MMP16: variants seen among roughly 807,000 people sequenced by gnomAD.
MMP16 encodes matrix metalloproteinase-16.
MMP16 carries 12 observed loss-of-function variants against 67.8 expected under a neutral mutation model. That is an observed-to-expected ratio of 0.18 (90% CI 0.11 to 0.29). The LOEUF (loss-of-function observed/expected upper bound fraction) is 0.29. Among genes scored for constraint, MMP16 ranks in the 10% least tolerant of loss-of-function variants. The pLI, the probability that MMP16 is intolerant of heterozygous loss-of-function variation, is 1.00. For synonymous variants in MMP16, 249 were observed against 255.9 expected (o/e 0.97, Z 0.26); for missense variants, 475 against 765.7 (o/e 0.62, Z 4.48).
At chr8:88,067,344 T>A (rs1808476721) in intron 7 of MMP16, among the ~76,000 whole-genome samples, 1 of 152,120 alleles carries the variant, frequency 6.6e-6, no homozygotes, top group Non-Finnish European at 1.5e-5. Context: ...TTGTACTACC[T>A]ATGTCATCAG....
At chr8:88,289,689 A>AACACACACACAC (rs4043664) in intron 1 of MMP16, among the ~76,000 whole-genome samples, 4 of 144,162 alleles carry the variant, frequency 2.8e-5, no homozygotes, top group African/African-American at 1.0e-4. Context: ...TCCTAGAGGA[A>AACACACACACAC]ACACACACAC....
intron 6 of MMP16, among the ~76,000 whole-genome samples, chr8:88,113,727 T>A (rs1246979820): frequency 6.6e-6 from 1 of 151,912 alleles, no homozygotes; most frequent in Non-Finnish European, 1.5e-5. Context: ...TATCCTTCTG[T>A]GACATTCACA....
intron 1 of MMP16, among the ~76,000 whole-genome samples, chr8:88,230,045 A>G (rs773993362): frequency 6.6e-5 from 10 of 152,160 alleles, no homozygotes; most frequent in Non-Finnish European, 8.8e-5. Context: ...CAACAAGCCA[A>G]TATTACATAA....
chr8:88,315,331 C>A (rs1254596507), intron 1 of MMP16, among the ~76,000 whole-genome samples: 1 of 152,074 alleles, frequency 6.6e-6, no homozygotes, highest in African/African-American at 2.4e-5. Flanking sequence ...TTATGGTGAT[C>A]TGTGGTTAGT....
chr8:88,259,969 A>C (rs1343986810), intron 1 of MMP16, among the ~76,000 whole-genome samples: 1 of 152,250 alleles, frequency 6.6e-6, no homozygotes, highest in East Asian at 1.9e-4. Context: ...AAACCCCCCA[A>C]ATTTTACTTA....
intron 1 of MMP16, among the ~76,000 whole-genome samples, chr8:88,227,529 C>G (rs1320372406): frequency 6.6e-6 from 1 of 152,030 alleles, no homozygotes; most frequent in Non-Finnish European, 1.5e-5. Context: ...GGGTATGTGT[C>G]TTGCTTGATT....
chr8:88,292,252 C>T lies in MMP16; in HGVS notation c.132+34823G>A, dbSNP rs149157731. Among the ~76,000 whole-genome samples, 853 of 152,256 alleles carry T rather than the reference C, an allele frequency of 5.6e-3. 3 individuals carry two copies. The highest frequency in any genetic ancestry group is 0.019 in the African/African-American group (770 of 41,554). On this transcript the variant is annotated intron_variant, in intron 1 of 9. Transcript: ENST00000286614. ...ACCTCTCTGTGTTAATTTTTATTCACTTTTTATATTAGTTCACAGTGTCAG... is the reference window on the plus strand; with the variant it reads ...ACCTCTCTGTGTTAATTTTTATTCATTTTTTATATTAGTTCACAGTGTCAG...
intron 1 of MMP16, among the ~76,000 whole-genome samples, chr8:88,217,868 G>A (rs892556027): frequency 6.6e-6 from 1 of 151,962 alleles, no homozygotes; most frequent in African/African-American, 2.4e-5. Context: ...TAGATGCTTG[G>A]AGACACATCT....
intron 1 of MMP16, among the ~76,000 whole-genome samples, chr8:88,233,111 T>C (rs946572463): frequency 6.6e-6 from 1 of 152,146 alleles, no homozygotes; most frequent in African/African-American, 2.4e-5. Context: ...ATTTTAAAAT[T>C]TGCCATTAGA....
intron 3 of MMP16, among the ~76,000 whole-genome samples, chr8:88,184,444 A>G (rs959154602): frequency 2.6e-5 from 4 of 151,666 alleles, no homozygotes; most frequent in Non-Finnish European, 5.9e-5. Flanking sequence ...AGGTGTATCC[A>G]TGAGCTGGGT....
chr8:88,049,474 T>C (rs1447711645), intron 8 of MMP16, among the ~76,000 whole-genome samples: 1 of 152,198 alleles, frequency 6.6e-6, no homozygotes, highest in Non-Finnish European at 1.5e-5. Flanking sequence ...ATATATATGT[T>C]AACTGCTTTC....
intron 6 of MMP16, among the ~76,000 whole-genome samples, chr8:88,099,297 T>A (rs1244408888): frequency 6.6e-6 from 1 of 151,854 alleles, no homozygotes; most frequent in African/African-American, 2.4e-5. Context: ...TCAGGTCCCA[T>A]ATCACTTCTG....
chr8:88,058,611 G>C lies in MMP16; in HGVS notation c.1223-2333C>G, dbSNP rs1376147950. Among the ~76,000 whole-genome samples, 1 of 152,118 alleles carries C rather than the reference G, an allele frequency of 6.6e-6. No individual in the cohort carries two copies. The highest frequency in any genetic ancestry group is 2.4e-5 in the African/African-American group (1 of 41,440). On this transcript the variant is annotated intron_variant, in intron 7 of 9. Coordinates refer to ENST00000286614, the MANE Select transcript of MMP16 (RefSeq NM_005941.5). The surrounding 1 kb of genome is among the most constrained non-coding windows in gnomAD (Gnocchi z 4.2). Reference sequence around the variant, plus strand: ...GGGCTACTTTGTATTAGATGCAGGAGAGATCTCTTTATTCAACTGTGACAT... The same window carrying C: ...GGGCTACTTTGTATTAGATGCAGGACAGATCTCTTTATTCAACTGTGACAT...
At chr8:88,055,410 G>A (rs924727952) in intron 8 of MMP16, among the ~76,000 whole-genome samples, 4 of 152,144 alleles carry the variant, frequency 2.6e-5, no homozygotes, top group Non-Finnish European at 2.9e-5. Context: ...GTTTCGCCAT[G>A]TTGGCCAGGC....
At chr8:88,195,149 C>T (rs917204977) in intron 2 of MMP16, among the ~76,000 whole-genome samples, 3 of 152,108 alleles carry the variant, frequency 2.0e-5, no homozygotes, top group Non-Finnish European at 4.4e-5. Context: ...AACCTGTGCA[C>T]ATTACTCTTC....
intron 8 of MMP16, 129 bp downstream of exon 8, chr8:88,055,999 T>G (rs1808327597): frequency 1.7e-6 from 1 of 574,510 alleles, no homozygotes; most frequent in Admixed American, 3.9e-5. Context: ...AAACAATTTT[T>G]AATTGCATTA....
chr8:88,190,481 A>G (rs1019477724), intron 2 of MMP16, among the ~76,000 whole-genome samples: 7 of 152,222 alleles, frequency 4.6e-5, no homozygotes, highest in African/African-American at 1.7e-4. Flanking sequence ...AGGACTCATC[A>G]ATGCATGAAA....
intron 1 of MMP16, among the ~76,000 whole-genome samples, chr8:88,311,175 C>CA (rs879526714): frequency 6.6e-6 from 1 of 150,796 alleles, no homozygotes; most frequent in South Asian, 2.1e-4. Flanking sequence ...TTCTCGACAC[C>CA]AAAAAAAATG....
In MMP16 at chr8:88,040,266, T is replaced by A. The variant is rs1268777806; in HGVS notation, c.*1195A>T. The A allele has an allele frequency of 6.5e-5, 10 of 152,778 alleles. No individual in the cohort carries two copies. The highest frequency in any genetic ancestry group is 2.4e-4 in the African/African-American group (10 of 41,590). 9.5% of individuals were successfully genotyped at this position (152,778 alleles called of 1,614,324 possible). A position where few individuals can be genotyped will look rare whatever the true frequency, so the allele number is the denominator to read the frequency against. Reference sequence around the variant, plus strand: ...GGCAAGTAACATCATTTCTGTTTGTTATAAACACATTTATGTAGTCTTGTA... The same window carrying A: ...GGCAAGTAACATCATTTCTGTTTGTAATAAACACATTTATGTAGTCTTGTA... On this transcript the variant is annotated 3_prime_UTR_variant, in exon 10 of 10. Coordinates refer to ENST00000286614, the MANE Select transcript of MMP16 (RefSeq NM_005941.5).
Sources: gnomAD v4.1 joint callset for allele counts (sites outside exome capture counted in the v4.1 genomes callset) on GRCh38, gnomAD v4.1.1 for gene constraint, Gnocchi (gnomAD v3.1) non-coding constraint, MANE v1.5 for transcripts, NCBI Gene and HGNC (gene_info 2026-07-23, HGNC 2026-07-21) for gene names.